The following FNBP1L variants were observed in gnomAD, a reference collection of about 807,000 sequenced individuals.
FNBP1L encodes the protein formin binding protein 1 like.
In FNBP1L, 36 loss-of-function variants were observed where a neutral mutation model predicts 91.2. The observed-to-expected ratio is 0.39, with a 90% confidence interval of 0.30 to 0.52. The LOEUF (loss-of-function observed/expected upper bound fraction) is 0.52. Ranked by LOEUF, FNBP1L falls within the 20% of genes least tolerant of loss-of-function variation. The pLI, the probability that FNBP1L is intolerant of heterozygous loss-of-function variation, is 0.66. For synonymous variants in FNBP1L, 242 were observed against 237.0 expected (o/e 1.02, Z -0.19); for missense variants, 571 against 732.1 (o/e 0.78, Z 2.54).
chr1:93,551,205 A>G (rs1672404919), intron 16 of FNBP1L, 100 bp downstream of exon 16: 2 of 1,400,654 alleles, frequency 1.4e-6, no homozygotes, highest in African/African-American at 1.4e-5. Flanking sequence ...GTTGAAAAAA[A>G]TAAGGAAACT....
At chr1:93,523,225 T>A in intron 3 of FNBP1L, 119 bp from the exon 4 acceptor site, 1 of 936,252 alleles carries the variant, frequency 1.1e-6, no homozygotes, top group Non-Finnish European at 1.5e-6. Context: ...TTAGAACTAG[T>A]AGCTGAGATT....
chr1:93,532,184 C>T (rs1671696698), intron 7 of FNBP1L, among the ~76,000 whole-genome samples: 1 of 151,282 alleles, frequency 6.6e-6, no homozygotes, highest in African/African-American at 2.4e-5. Context: ...AAGTCTCAGA[C>T]TTGGCCGGGG....
At chr1:93,526,500 A>G (rs1326104953) in intron 5 of FNBP1L, among the ~76,000 whole-genome samples, 1 of 152,174 alleles carries the variant, frequency 6.6e-6, no homozygotes. Context: ...TTTATCAGGG[A>G]AGGAAAACTT....
intron 2 of FNBP1L, among the ~76,000 whole-genome samples, chr1:93,500,672 ATTAAT>A (rs748487748): frequency 6.7e-6 from 1 of 150,334 alleles, no homozygotes; most frequent in African/African-American, 2.5e-5. Context: ...GTTACTTAAA[ATTAAT>A]TTAAACTAGT....
At chr1:93,467,757 G>C (rs2101694251) in intron 1 of FNBP1L, among the ~76,000 whole-genome samples, 1 of 152,134 alleles carries the variant, frequency 6.6e-6, no homozygotes, top group East Asian at 1.9e-4. Flanking sequence ...CCGTACTTCA[G>C]CCTGGGCAAC....
At position 93,544,204 on chromosome 1, in the gene FNBP1L, A is replaced by C; in HGVS notation, c.1262A>C (p.Glu421Ala). 6.2e-7 allele frequency: 1 copy of C among 1,608,558 alleles called. No individual in the cohort carries two copies. Among genetic ancestry groups the C allele is most frequent in the Non-Finnish European group, 8.5e-7 (1 of 1,176,434 alleles). The change falls in exon 12 of 17, where the codon GAA becomes GCA. Residue 421 changes from glutamate (E) to alanine (A), a missense_variant. Transcript: ENST00000271234. ...IDELNRELQK[E>A]SDQKDALNKM... is the part of the protein sequence containing the mutation. ...GAACTTAACAGAGAACTACAGAAAG[A>C]ATCAGACCAAAAGTATTATTCCTTT...
At position 93,513,766 on chromosome 1, in the gene FNBP1L, A is replaced by G. The variant is rs558854186; in HGVS notation, c.141-8316A>G. Among the ~76,000 whole-genome samples, 18 of 152,346 alleles carry G rather than the reference A, an allele frequency of 1.2e-4. No homozygotes were observed. In the East Asian group the frequency reaches 3.5e-3, roughly 29 times the overall value. ...AATAAATTAGATATTGATGGGACGT[A>G]TTTCAAAATAATAAGAGCTATCTAC... On this transcript the variant is annotated intron_variant, in intron 2 of 16. Coordinates refer to ENST00000271234, the MANE Select transcript of FNBP1L (RefSeq NM_001164473.3).
At chr1:93,479,215 A>G (rs1669605708) in intron 1 of FNBP1L, among the ~76,000 whole-genome samples, 2 of 152,162 alleles carry the variant, frequency 1.3e-5, no homozygotes, top group African/African-American at 2.4e-5. Flanking sequence ...TAAGGACTTC[A>G]AAAGGGGAGG....
At position 93,549,348 on chromosome 1, in the gene FNBP1L, A is replaced by T; in HGVS notation, c.1573A>T (p.Asn525Tyr). 6.2e-7 allele frequency: 1 copy of T among 1,612,898 alleles called. No individual in the cohort carries two copies. Among genetic ancestry groups the T allele is most frequent in the Non-Finnish European group, 8.5e-7 (1 of 1,179,378 alleles). Residue 525 changes from asparagine (N) to tyrosine (Y), a missense_variant, in exon 15 of 17, where the codon AAT (asparagine) becomes TAT (tyrosine). Physicochemically the swap from Asn to Tyr is moderately radical, Grantham distance 143. Around this residue, in one of 5 missense-constraint regions of FNBP1L, gnomAD observed 189 missense variants for 219.7 expected, o/e 0.86. Transcript: ENST00000271234. ...RGPPQQHGHH[N>Y]EFDDEFEDDD... ...GCCACCCCAGCAGCATGGTCACCAC[A>T]ATGAGTTTGATGATGAATTTGAGGA...
At chr1:93,453,344 A>T (rs1311146984) in intron 1 of FNBP1L, among the ~76,000 whole-genome samples, 1 of 152,154 alleles carries the variant, frequency 6.6e-6, no homozygotes, top group East Asian at 1.9e-4. Context: ...GCTGCCTCTA[A>T]CCAGTATCTC....
At chr1:93,451,853 C>T (rs1668506516) in intron 1 of FNBP1L, among the ~76,000 whole-genome samples, 1 of 152,110 alleles carries the variant, frequency 6.6e-6, no homozygotes, top group South Asian at 2.1e-4. Flanking sequence ...GTTTTCACCA[C>T]GTTGGCCAGG....
At chr1:93,499,944 T>C (rs1670390188) in intron 2 of FNBP1L, among the ~76,000 whole-genome samples, 1 of 152,218 alleles carries the variant, frequency 6.6e-6, no homozygotes, top group African/African-American at 2.4e-5. Flanking sequence ...TTCTTCAGAG[T>C]TTTTTTCTTC....
rs139265318 is a variant in FNBP1L, at chr1:93,546,369, A to G, written c.1275-473A>G. On this transcript the variant is annotated intron_variant, in intron 12 of 16. Transcript: ENST00000271234. ...AGGAGGTAGGTTGAGAGGAATTGGC[A>G]AATGACTGACTTTGGGTGGGGGCAA... Among the ~76,000 whole-genome samples, 64 of 152,272 alleles carry G rather than the reference A, an allele frequency of 4.2e-4. 1 individual carries two copies. In the South Asian group the frequency reaches 4.8e-3, roughly 11 times the overall value.
intron 1 of FNBP1L, among the ~76,000 whole-genome samples, chr1:93,469,765 G>T (rs1458010148): frequency 1.3e-5 from 2 of 152,094 alleles, no homozygotes; most frequent in South Asian, 2.1e-4. Flanking sequence ...GAGGCCAGGA[G>T]TTTGAGATCA....
chr1:93,496,746 A>G (rs1348928135), intron 1 of FNBP1L, among the ~76,000 whole-genome samples: 1 of 151,872 alleles, frequency 6.6e-6, no homozygotes, highest in Non-Finnish European at 1.5e-5. Flanking sequence ...GCCCAGGCTG[A>G]TCTCGAACTC....
chr1:93,511,142 A>G (rs1162165949), intron 2 of FNBP1L, among the ~76,000 whole-genome samples: 1 of 152,214 alleles, frequency 6.6e-6, no homozygotes, highest in Non-Finnish European at 1.5e-5. Flanking sequence ...CAACTCCAAG[A>G]CATATAATTG....
At chr1:93,451,005 T>C (rs1668476780) in intron 1 of FNBP1L, among the ~76,000 whole-genome samples, 1 of 152,200 alleles carries the variant, frequency 6.6e-6, no homozygotes, top group African/African-American at 2.4e-5. Context: ...TTGTAATAAA[T>C]TTGAGCTGTG....
At chr1:93,538,833 C>A (rs1312290452) in intron 10 of FNBP1L, among the ~76,000 whole-genome samples, 1 of 152,094 alleles carries the variant, frequency 6.6e-6, no homozygotes, top group African/African-American at 2.4e-5. Flanking sequence ...TCCTAAATAA[C>A]TTCTTAAAAA....
intron 5 of FNBP1L, among the ~76,000 whole-genome samples, chr1:93,529,112 A>G (rs1039235373): frequency 3.9e-5 from 6 of 152,082 alleles, no homozygotes; most frequent in African/African-American, 1.4e-4. Context: ...GGATCTCACC[A>G]AAAAAGTATA....
Sources: allele counts gnomAD v4.1 joint callset (sites outside exome capture counted in the v4.1 genomes callset), GRCh38; gene constraint gnomAD v4.1.1; regional missense constraint gnomAD v4.1.1; transcripts MANE v1.5; gene names NCBI Gene and HGNC (gene_info 2026-07-23, HGNC 2026-07-21).